The following SLC9C1 variants were observed in gnomAD, a reference collection of about 807,000 sequenced individuals.
SLC9C1 encodes sodium/hydrogen exchanger 10.
A neutral mutation model predicts 140.9 loss-of-function variants in SLC9C1; 97 were observed. The ratio of observed to expected loss-of-function variants is 0.69; its 90% CI spans 0.58 to 0.82. The LOEUF is 0.82. Ranked by LOEUF, SLC9C1 falls within the 40% of genes least tolerant of loss-of-function variation. The pLI, the probability that SLC9C1 is intolerant of heterozygous loss-of-function variation, is 0.00. For missense variants in SLC9C1, 1,340 were observed against 1,389.3 expected (o/e 0.96, Z 0.56); for synonymous variants, 440 against 442.6 (o/e 0.99, Z 0.07).
chr3:112,156,668 T>A lies in SLC9C1; in HGVS notation c.3365-1619A>T, dbSNP rs533885977. Among the ~76,000 whole-genome samples the A allele has an allele frequency of 6.8e-4, 103 of 152,240 alleles. 1 individual carries two copies. Among genetic ancestry groups the A allele is most frequent in the African/African-American group, 2.4e-3 (98 of 41,570 alleles). On this transcript the variant is annotated intron_variant, in intron 26 of 28. Transcript: ENST00000305815. ...AATAGTGTACAGGTGTTCCCCTTTC[T>A]TGGTGTATTTGCCAGTATTTTAAAT...
At position 112,210,734 on chromosome 3, in the gene SLC9C1, G is replaced by A. The variant is rs538186373; in HGVS notation, c.1791-2361C>T. ...TATGTATGTACATAAGAAATTTAGG[G>A]TGGTGGCTGACCCCCACATTTCTAA... On this transcript the variant is annotated intron_variant, in intron 15 of 28. Transcript: ENST00000305815. 2.0e-5 allele frequency among the ~76,000 whole-genome samples: 3 copies of A among 152,162 alleles called. No individual in the cohort carries two copies. The South Asian group carries it at 6.2e-4, about 32-fold the overall frequency.
At chr3:112,267,575 C>CAAAGAAAAA (rs2079955448) in intron 7 of SLC9C1, among the ~76,000 whole-genome samples, 1 of 56,852 alleles carries the variant, frequency 1.8e-5, no homozygotes, top group Non-Finnish European at 3.0e-5. Context: ...GACTCCGTCT[C>CAAAGAAAAA]AAAAAAAAAA....
At chr3:112,231,898 C>G (rs1447781813) in intron 12 of SLC9C1, among the ~76,000 whole-genome samples, 3 of 152,116 alleles carry the variant, frequency 2.0e-5, no homozygotes, top group Non-Finnish European at 4.4e-5. Flanking sequence ...GGGCGTCAAT[C>G]TGTGTTTCTA....
At chr3:112,233,273 G>A (rs546160115) in intron 12 of SLC9C1, among the ~76,000 whole-genome samples, 32 of 151,852 alleles carry the variant, frequency 2.1e-4, no homozygotes, top group African/African-American at 7.7e-4. Flanking sequence ...TTGGCATGTT[G>A]CCAGGTTCGT....
chr3:112,272,050 A>G (rs2080092710), intron 6 of SLC9C1, among the ~76,000 whole-genome samples: 1 of 152,168 alleles, frequency 6.6e-6, no homozygotes, highest in African/African-American at 2.4e-5. Flanking sequence ...CCAGGAAAAC[A>G]GGGAGCCCAA....
At chr3:112,199,896 C>T (rs1193932411) in intron 19 of SLC9C1, among the ~76,000 whole-genome samples, 3 of 151,990 alleles carry the variant, frequency 2.0e-5, no homozygotes, top group Non-Finnish European at 2.9e-5. Flanking sequence ...CTTAGGTCAT[C>T]GTCCACTCAA....
intron 26 of SLC9C1, among the ~76,000 whole-genome samples, chr3:112,165,293 A>G (rs1005990627): frequency 6.6e-6 from 1 of 152,138 alleles, no homozygotes; most frequent in Admixed American, 6.5e-5. Context: ...TTCTCCATCC[A>G]GCTTTGTTCC....
At chr3:112,200,634 G>T (rs894164929) in intron 19 of SLC9C1, 77 bp downstream of exon 19, 2 of 1,334,412 alleles carry the variant, frequency 1.5e-6, no homozygotes, top group Non-Finnish European at 2.1e-6. Context: ...AGATTAGCTC[G>T]AGTTATGAAA....
At chr3:112,162,467 G>A (rs1438320533) in intron 26 of SLC9C1, among the ~76,000 whole-genome samples, 2 of 152,164 alleles carry the variant, frequency 1.3e-5, no homozygotes, top group African/African-American at 4.8e-5. Context: ...TTTATTGAGA[G>A]TTTTTAGCAT....
intron 25 of SLC9C1, among the ~76,000 whole-genome samples, chr3:112,168,229 G>A (rs2077175807): frequency 6.6e-6 from 1 of 151,560 alleles, no homozygotes; most frequent in South Asian, 2.1e-4. Context: ...ATAACTCTGA[G>A]TCCTCTTTGA....
At chr3:112,269,160 C>T (rs1036330304) in intron 7 of SLC9C1, among the ~76,000 whole-genome samples, 16 of 152,150 alleles carry the variant, frequency 1.1e-4, no homozygotes, top group African/African-American at 4.8e-5. Flanking sequence ...CTTTGTTGCC[C>T]GGGCTGGAGT....
At chr3:112,150,638 A>G (rs2074930058) in intron 28 of SLC9C1, among the ~76,000 whole-genome samples, 1 of 151,600 alleles carries the variant, frequency 6.6e-6, no homozygotes, top group Non-Finnish European at 1.5e-5. Context: ...CCGCCATTAA[A>G]TTCATCTTGC....
At chr3:112,197,116 A>C (rs920813930) in intron 20 of SLC9C1, among the ~76,000 whole-genome samples, 16 of 151,994 alleles carry the variant, frequency 1.1e-4, no homozygotes, top group African/African-American at 3.1e-4. Context: ...AGGCATTGTC[A>C]GGGTTTTATT....
At chr3:112,164,556 T>C (rs2075407802) in intron 26 of SLC9C1, among the ~76,000 whole-genome samples, 1 of 149,576 alleles carries the variant, frequency 6.7e-6, no homozygotes, top group Non-Finnish European at 1.5e-5. Context: ...GGATATGAAA[T>C]TCTGGGTTGA....
chr3:112,191,572 C>G (rs1354187136), intron 20 of SLC9C1, among the ~76,000 whole-genome samples: 1 of 152,040 alleles, frequency 6.6e-6, no homozygotes, highest in Non-Finnish European at 1.5e-5. Flanking sequence ...ATGATTCTTT[C>G]AATGTGTTTT....
At chr3:112,289,003 G>A (rs9813350) in intron 1 of SLC9C1, among the ~76,000 whole-genome samples, 1,696 of 152,134 alleles carry the variant, frequency 0.011, 31 homozygotes, top group African/African-American at 0.037. Flanking sequence ...ATTTAATTCA[G>A]TCTGGTTTGC....
chr3:112,164,246 T>C (rs2075396345), intron 26 of SLC9C1, among the ~76,000 whole-genome samples: 1 of 151,128 alleles, frequency 6.6e-6, no homozygotes, highest in Non-Finnish European at 1.5e-5. Flanking sequence ...TCTGTGTCTT[T>C]TAATTGGAGC....
At chr3:112,160,702 C>A (rs1380720320) in intron 26 of SLC9C1, among the ~76,000 whole-genome samples, 3 of 151,246 alleles carry the variant, frequency 2.0e-5, no homozygotes, top group Non-Finnish European at 2.9e-5. Flanking sequence ...CAAGTCTTTG[C>A]TATTGTGAAT....
chr3:112,161,178 T>A (rs1011173767), intron 26 of SLC9C1, among the ~76,000 whole-genome samples: 23 of 152,320 alleles, frequency 1.5e-4, no homozygotes, highest in South Asian at 6.2e-4. Flanking sequence ...TAGCCCTTTG[T>A]CAGATGAGTA....
Sources: allele counts gnomAD v4.1 joint callset (sites outside exome capture counted in the v4.1 genomes callset), GRCh38; gene constraint gnomAD v4.1.1; transcripts MANE v1.5; gene names NCBI Gene and HGNC (gene_info 2026-07-23, HGNC 2026-07-21).